The following ADORA2B variants were observed in gnomAD, a reference collection of about 807,000 sequenced individuals.
ADORA2B encodes adenosine A2b receptor, also known as adenosine receptor A2b.
A neutral mutation model predicts 20.8 loss-of-function variants in ADORA2B; 18 were observed. That is an observed-to-expected ratio of 0.87 (90% CI 0.60 to 1.29). The LOEUF (loss-of-function observed/expected upper bound fraction) is 1.29. ADORA2B is among the 50% of genes most tolerant of loss of function. The probability of loss-of-function intolerance (pLI) is 0.00; values close to 1 mark genes in which losing one functional copy is unlikely to be tolerated. For missense variants in ADORA2B, 441 were observed against 422.7 expected, an observed-to-expected ratio of 1.04 and a Z score of -0.38; for synonymous variants, 179 against 178.3, an observed-to-expected ratio of 1.00 and a Z score of -0.03.
intron 1 of ADORA2B, among the ~76,000 whole-genome samples, chr17:15,949,922 C>T (rs1969874989): frequency 6.6e-6 from 1 of 152,182 alleles, no homozygotes; most frequent in Admixed American, 6.5e-5. Flanking sequence ...CCAGCTTTCC[C>T]AAGAGCTCCC....
chr17:15,897,076 A>G, the ADORA2B span, among the ~76,000 whole-genome samples: 2 of 152,182 alleles, frequency 1.3e-5, no homozygotes, highest in Admixed American at 1.3e-4. Context: ...GCCCAGAGGG[A>G]ATTCCAGATG....
In ADORA2B at chr17:15,975,482, G is replaced by C. The variant is rs185682716; in HGVS notation, c.*140G>C. ...TTGAGCACTTCCCTGGAGCTACCAC[G>C]TATCTAGCTAATATGTATGTGTCAG... On this transcript the variant is annotated 3_prime_UTR_variant, in exon 2 of 2. Transcript: ENST00000304222. 1.3e-6 allele frequency: 1 copy of C among 770,660 alleles called. No individual in the cohort carries two copies. The highest frequency in any genetic ancestry group is 2.6e-5 in the East Asian group (1 of 38,464). 47.7% of individuals were successfully genotyped at this position (770,660 alleles called of 1,614,324 possible).
the ADORA2B span, among the ~76,000 whole-genome samples, chr17:15,939,877 AAAAAAG>A: frequency 0.023 from 3,406 of 150,926 alleles, 127 homozygotes; most frequent in African/African-American, 0.08. Context: ...AAAAAAAAAA[AAAAAAG>A]AAGTTACATT....
the ADORA2B span, among the ~76,000 whole-genome samples, chr17:15,931,801 A>G: frequency 0.21 from 32,031 of 151,930 alleles, 3,480 homozygotes; most frequent in African/African-American, 0.25. Flanking sequence ...GCATGATCTC[A>G]GCTCACTGCA....
chr17:15,941,031 G>A (rs1054845332), upstream of ADORA2B, among the ~76,000 whole-genome samples: 3 of 152,248 alleles, frequency 2.0e-5, no homozygotes, highest in African/African-American at 7.2e-5. Flanking sequence ...TGCTCTGGCA[G>A]TTGAGGCAGG....
the ADORA2B span, among the ~76,000 whole-genome samples, chr17:15,934,170 C>T: frequency 6.6e-6 from 1 of 152,032 alleles, no homozygotes; most frequent in South Asian, 2.1e-4. Context: ...AAATCTTATT[C>T]ATTAAACCAA....
the ADORA2B span, among the ~76,000 whole-genome samples, chr17:15,856,508 C>G: frequency 1.3e-5 from 2 of 151,862 alleles, no homozygotes; most frequent in Non-Finnish European, 1.5e-5. Context: ...GACTTTGGAA[C>G]TGGGTAACAG....
rs73978566 is a variant in ADORA2B at position 15,966,092 on chromosome 17, A to G, written c.336-8587A>G. ...CTGTTAATATGTGGAATAAGATAACATGAGGTTTTCTAAGAATGTATATAT... is the reference window on the plus strand; with the variant it reads ...CTGTTAATATGTGGAATAAGATAACGTGAGGTTTTCTAAGAATGTATATAT... On this transcript the variant is annotated intron_variant, in intron 1 of 1. Coordinates refer to ENST00000304222, the MANE Select transcript of ADORA2B (RefSeq NM_000676.4). Among the ~76,000 whole-genome samples, 1,021 of 152,332 alleles carry G rather than the reference A, an allele frequency of 6.7e-3. 10 individuals carry two copies. The highest frequency in any genetic ancestry group is 0.023 in the African/African-American group (975 of 41,572).
chr17:15,945,731 G>A, intron 1 of ADORA2B, 148 bp downstream of exon 1: 1 of 738,520 alleles, frequency 1.4e-6, no homozygotes, highest in Admixed American at 3.0e-5. Flanking sequence ...TCCCAGCCTG[G>A]CCACCCCGCA....
At chr17:15,863,989 T>G in the ADORA2B span, 1 of 172,934 alleles carries the variant, frequency 5.8e-6, no homozygotes, top group African/African-American at 2.4e-5. Flanking sequence ...AGGTATTTAG[T>G]TCTTGTGAAT....
the ADORA2B span, among the ~76,000 whole-genome samples, chr17:15,895,932 A>G: frequency 6.6e-6 from 1 of 152,168 alleles, no homozygotes; most frequent in Non-Finnish European, 1.5e-5. Flanking sequence ...AAGGCTCACA[A>G]CATGCTGCTC....
the ADORA2B span, among the ~76,000 whole-genome samples, chr17:15,870,782 G>A: frequency 2.0e-5 from 3 of 152,306 alleles, no homozygotes; most frequent in East Asian, 3.9e-4. Context: ...GAGGTCTCTT[G>A]AGGGCTACAT....
chr17:15,937,653 A>G, the ADORA2B span, among the ~76,000 whole-genome samples: 2 of 151,400 alleles, frequency 1.3e-5, no homozygotes, highest in African/African-American at 2.4e-5. Flanking sequence ...GCTCACTGCA[A>G]CCTCTACCTC....
chr17:15,882,837 G>T, the ADORA2B span, among the ~76,000 whole-genome samples: 7 of 152,280 alleles, frequency 4.6e-5, no homozygotes, highest in African/African-American at 1.7e-4. Flanking sequence ...TTTGTCTCAG[G>T]TTTGACTCAG....
At chr17:15,872,864 C>T in the ADORA2B span, among the ~76,000 whole-genome samples, 1 of 152,168 alleles carries the variant, frequency 6.6e-6, no homozygotes, top group African/African-American at 2.4e-5. Context: ...GATAGTATGA[C>T]TTCCTCTTTT....
intron 1 of ADORA2B, among the ~76,000 whole-genome samples, chr17:15,946,293 C>T (rs1198523325): frequency 3.9e-5 from 6 of 152,228 alleles, no homozygotes; most frequent in Non-Finnish European, 5.9e-5. Flanking sequence ...AACTATTTAT[C>T]TCCTGCTGCC....
chr17:15,915,007 C>T, the ADORA2B span, among the ~76,000 whole-genome samples: 1 of 152,210 alleles, frequency 6.6e-6, no homozygotes, highest in East Asian at 1.9e-4. Context: ...TTATCACAAA[C>T]TCAGTGGCTT....
chr17:15,939,677 T>C, the ADORA2B span, among the ~76,000 whole-genome samples: 2 of 151,810 alleles, frequency 1.3e-5, no homozygotes, highest in African/African-American at 4.8e-5. Flanking sequence ...GGCTAACACA[T>C]GAAACCCTGT....
chr17:15,869,386 G>A, the ADORA2B span, among the ~76,000 whole-genome samples: 2 of 151,510 alleles, frequency 1.3e-5, no homozygotes, highest in Non-Finnish European at 2.9e-5. Context: ...AGAGATAGAT[G>A]CAAGTTATTA....
Sources: allele counts gnomAD v4.1 joint callset (sites outside exome capture counted in the v4.1 genomes callset), GRCh38; gene constraint gnomAD v4.1.1; transcripts MANE v1.5; gene names NCBI Gene and HGNC (gene_info 2026-07-23, HGNC 2026-07-21).